Variants in ATL3 observed in about 807,000 individuals in gnomAD.
The protein encoded by ATL3 is atlastin GTPase 3, also known as atlastin-3.
In ATL3, 49 loss-of-function variants were observed where a neutral mutation model predicts 69.5. That is an observed-to-expected ratio of 0.71 (90% CI 0.56 to 0.89). The LOEUF (loss-of-function observed/expected upper bound fraction) is 0.89, where lower values mean the gene tolerates loss of function less well. Among genes scored for constraint, ATL3 ranks in the 40% least tolerant of loss-of-function variants. The pLI, the probability that ATL3 is intolerant of heterozygous loss-of-function variation, is 0.00. For synonymous variants in ATL3, 214 were observed against 224.1 expected (o/e 0.95, Z 0.40); for missense variants, 606 against 645.7 (o/e 0.94, Z 0.67).
chr11:63,659,746 C>T (rs1486986717), intron 1 of ATL3, among the ~76,000 whole-genome samples: 1 of 151,996 alleles, frequency 6.6e-6, no homozygotes, highest in Non-Finnish European at 1.5e-5. Flanking sequence ...ACCAGCCTGG[C>T]CAACATGACG....
At chr11:63,632,347 C>A (rs1055377079) in intron 11 of ATL3, 33 of 870,674 alleles carry the variant, frequency 3.8e-5, no homozygotes, top group Non-Finnish European at 6.4e-5. Context: ...ATCAATGGAG[C>A]CTACAATTCA....
rs1213655441 is a variant in ATL3 at position 63,628,978 on chromosome 11, T to C, written c.*341A>G. Reference sequence around the variant, plus strand: ...TGTGTGCAAAACCATGGAATCAATCTTAAAAGGCACTAAGTGGCACATAAA... The same window carrying C: ...TGTGTGCAAAACCATGGAATCAATCCTAAAAGGCACTAAGTGGCACATAAA... On this transcript the variant is annotated 3_prime_UTR_variant, in exon 13 of 13. Coordinates refer to ENST00000398868, the MANE Select transcript of ATL3 (RefSeq NM_015459.5). 4.1e-6 allele frequency: 1 copy of C among 243,954 alleles called. No individual in the cohort carries two copies. Among genetic ancestry groups the C allele is most frequent in the Non-Finnish European group, 8.0e-6 (1 of 125,372 alleles). 15.1% of individuals were successfully genotyped at this position (243,954 alleles called of 1,614,324 possible).
intron 5 of ATL3, among the ~76,000 whole-genome samples, chr11:63,647,718 C>T (rs1939931507): frequency 1.3e-5 from 2 of 152,142 alleles, no homozygotes; most frequent in African/African-American, 4.8e-5. Context: ...TGTATATTTA[C>T]CTCTAAATCT....
chr11:63,632,920 G>T, intron 11 of ATL3, 106 bp downstream of exon 11: 1 of 1,011,214 alleles, frequency 9.9e-7, no homozygotes, highest in Non-Finnish European at 1.5e-6. Context: ...TAAGTTTATT[G>T]CCTCATCACT....
intron 3 of ATL3, among the ~76,000 whole-genome samples, chr11:63,655,376 C>T (rs979662774): frequency 6.6e-6 from 1 of 152,018 alleles, no homozygotes; most frequent in African/African-American, 2.4e-5. Flanking sequence ...GTCTCGAACT[C>T]CTGACCTCAG....
chr11:63,625,454 T>G lies in ATL3; in HGVS notation c.*3865A>C, dbSNP rs1412061143. 1 of 152,184 alleles carries G rather than the reference T, an allele frequency of 6.6e-6. No homozygotes were observed. Among genetic ancestry groups the G allele is most frequent in the Admixed American group, 6.5e-5 (1 of 15,284 alleles). The allele number at this position is 152,184 out of a possible 1,614,324, so 9.4% of individuals were successfully genotyped here. On this transcript the variant is annotated 3_prime_UTR_variant, in exon 13 of 13. Transcript: ENST00000398868. ...AACTGTTTTATTAAAGTTTTAATTT[T>G]TAAAAAATTAAAAAATTAAAACTGT...
chr11:63,637,430 A>C (rs1048798609), intron 8 of ATL3, among the ~76,000 whole-genome samples: 8 of 152,136 alleles, frequency 5.3e-5, no homozygotes, highest in Admixed American at 3.3e-4. Context: ...TAATTTTTTT[A>C]ATGTTAAAAG....
chr11:63,660,722 T>C (rs963656193), intron 1 of ATL3, among the ~76,000 whole-genome samples: 3 of 152,064 alleles, frequency 2.0e-5, no homozygotes, highest in East Asian at 1.9e-4. Context: ...CTGGACAATA[T>C]TGCAAGACTC....
At chr11:63,666,189 C>T (rs755359864) in intron 1 of ATL3, among the ~76,000 whole-genome samples, 4 of 152,054 alleles carry the variant, frequency 2.6e-5, no homozygotes, top group African/African-American at 7.2e-5. Flanking sequence ...ATTACAGGTA[C>T]CCACCACCAC....
At chr11:63,637,566 G>A (rs1386130696) in intron 8 of ATL3, 1 of 152,126 alleles carries the variant, frequency 6.6e-6, no homozygotes, top group Admixed American at 6.5e-5. Flanking sequence ...GCTTCTACAA[G>A]GTTCCCACAG....
Position 63,652,473 on chromosome 11 carries a change from G to C in ATL3, c.508C>G (p.Gln170Glu). 1 of 1,569,318 alleles carries C rather than the reference G, an allele frequency of 6.4e-7. No individual in the cohort carries two copies. Among genetic ancestry groups the C allele is most frequent in the Non-Finnish European group, 8.7e-7 (1 of 1,155,682 alleles). ...TTTCTGAGTCAAGTGGTTTTTACCT[G>C]AACAGAACTAGTCATAGTGCTTAGA... ...FALSTMTSSV[Q>E]IYNLSQNIQE... Residue 170 changes from glutamine (Q) to glutamate (E), a missense_variant and splice_region_variant, in exon 4 of 13, where the codon CAG becomes GAG. By Grantham distance (29) the Gln-to-Glu change is conservative (BLOSUM62 2). Coordinates refer to ENST00000398868, the MANE Select transcript of ATL3 (RefSeq NM_015459.5).
intron 3 of ATL3, 99 bp from the exon 4 acceptor site, chr11:63,652,674 G>A (rs1940117239): frequency 9.1e-6 from 7 of 769,952 alleles, no homozygotes; most frequent in Admixed American, 2.6e-5. Flanking sequence ...CTTAAGTACA[G>A]GTAATGTTTA....
Position 63,629,282 on chromosome 11 carries a change from G to A in ATL3, c.*37C>T. Reference sequence around the variant, plus strand: ...GGCAGAAACCCAGAAATCAGTAGGGGCTTGTTGTGTTCTTGTTTGATCTTC... The same window carrying A: ...GGCAGAAACCCAGAAATCAGTAGGGACTTGTTGTGTTCTTGTTTGATCTTC... On this transcript the variant is annotated 3_prime_UTR_variant, in exon 13 of 13. Coordinates refer to ENST00000398868, the MANE Select transcript of ATL3 (RefSeq NM_015459.5). 1 of 1,550,216 alleles carries A rather than the reference G, an allele frequency of 6.5e-7. No homozygotes were observed.
intron 1 of ATL3, among the ~76,000 whole-genome samples, chr11:63,660,686 C>T (rs1262106110): frequency 1.3e-5 from 2 of 152,058 alleles, no homozygotes; most frequent in African/African-American, 4.8e-5. Context: ...AGGAGGATTA[C>T]TTGGGCCCAG....
chr11:63,651,879 C>T (rs1441633627), intron 5 of ATL3, 57 bp downstream of exon 5: 3 of 1,543,168 alleles, frequency 1.9e-6, no homozygotes, highest in Non-Finnish European at 2.6e-6. Flanking sequence ...TAAAATGTTC[C>T]TTAATCTTAA....
chr11:63,650,593 A>T (rs761593674), intron 5 of ATL3: 7 of 152,210 alleles, frequency 4.6e-5, no homozygotes, highest in African/African-American at 1.7e-4. Flanking sequence ...GTCATGTGAG[A>T]CAAGGTGAAT....
rs577248424 is a variant in ATL3 at position 63,634,305 on chromosome 11, G to A, written c.1036-1208C>T. Among the ~76,000 whole-genome samples the A allele has an allele frequency of 1.5e-3, 228 of 151,880 alleles. 1 individual carries two copies. Among genetic ancestry groups the A allele is most frequent in the Non-Finnish European group, 2.3e-3 (155 of 67,942 alleles). ...GCAGATCACGAGGTCAGGAGATCGAGATCATCCTGGCTAACACGGTGAAAC... is the reference window on the plus strand; with the variant it reads ...GCAGATCACGAGGTCAGGAGATCGAAATCATCCTGGCTAACACGGTGAAAC... On this transcript the variant is annotated intron_variant, in intron 10 of 12. Transcript: ENST00000398868.
intron 1 of ATL3, among the ~76,000 whole-genome samples, chr11:63,663,551 C>T (rs1940485808): frequency 6.6e-6 from 1 of 152,142 alleles, no homozygotes; most frequent in Non-Finnish European, 1.5e-5. Flanking sequence ...CCTGTTATTG[C>T]CTGGATTAAA....
chr11:63,643,646 A>C, intron 7 of ATL3, 151 bp from the exon 8 acceptor site: 1 of 640,730 alleles, frequency 1.6e-6, no homozygotes, highest in Non-Finnish European at 2.5e-6. Flanking sequence ...AGAAGCAATA[A>C]ACACACAAAT....
Sources: allele counts gnomAD v4.1 joint callset (sites outside exome capture counted in the v4.1 genomes callset), GRCh38; gene constraint gnomAD v4.1.1; transcripts MANE v1.5; gene names NCBI Gene and HGNC (gene_info 2026-07-23, HGNC 2026-07-21).